The following RNF24 variants were observed in gnomAD, a reference collection of about 807,000 sequenced individuals.
The protein encoded by RNF24 is ring finger protein 24.
RNF24 carries 14 observed loss-of-function variants against 20.0 expected under a neutral mutation model. That is an observed-to-expected ratio of 0.70 (90% CI 0.46 to 1.10). The LOEUF (loss-of-function observed/expected upper bound fraction) is 1.10. RNF24 is among the 50% of genes least tolerant of loss of function. RNF24 has a pLI of 0.00. For missense variants in RNF24, 124 were observed against 177.6 expected (o/e 0.70, Z 1.71); for synonymous variants, 45 against 61.1 (o/e 0.74, Z 1.23).
intron 1 of RNF24, among the ~76,000 whole-genome samples, chr20:4,002,167 C>T (rs1259049582): frequency 3.9e-5 from 6 of 151,912 alleles, no homozygotes; most frequent in African/African-American, 1.2e-4. Flanking sequence ...GGGTGGATCA[C>T]GAGGTCAGGA....
intron 1 of RNF24, among the ~76,000 whole-genome samples, chr20:3,992,483 A>C (rs776283834): frequency 5.3e-5 from 8 of 152,056 alleles, no homozygotes; most frequent in Non-Finnish European, 1.0e-4. Flanking sequence ...AAGAAATATA[A>C]AATTTCATCA....
At chr20:3,980,080 G>A (rs968297777) in intron 1 of RNF24, among the ~76,000 whole-genome samples, 1 of 152,112 alleles carries the variant, frequency 6.6e-6, no homozygotes, top group Admixed American at 6.5e-5. Flanking sequence ...CTTATGCAGA[G>A]ATTTAAAAAC....
At chr20:3,992,941 T>C (rs1324996129) in intron 1 of RNF24, among the ~76,000 whole-genome samples, 4 of 152,224 alleles carry the variant, frequency 2.6e-5, no homozygotes, top group Non-Finnish European at 4.4e-5. Flanking sequence ...AATAAAAATG[T>C]TATAAGCACA....
chr20:4,003,099 A>C (rs1452582857), intron 1 of RNF24, among the ~76,000 whole-genome samples: 3 of 152,112 alleles, frequency 2.0e-5, no homozygotes, highest in South Asian at 4.1e-4. Context: ...CCTTCTGAGT[A>C]GCTGGGATTA....
At chr20:3,948,454 A>T (rs184903337) in intron 2 of RNF24, among the ~76,000 whole-genome samples, 175 bp from the exon 3 acceptor site, 1 of 152,282 alleles carries the variant, frequency 6.6e-6, no homozygotes, top group Admixed American at 6.5e-5. Flanking sequence ...ATGCTATGTG[A>T]AAGTGCCCAG....
At chr20:3,941,336 A>G (rs1245612109) in intron 4 of RNF24, among the ~76,000 whole-genome samples, 3 of 152,190 alleles carry the variant, frequency 2.0e-5, no homozygotes, top group African/African-American at 7.2e-5. Flanking sequence ...TTTTCAATGT[A>G]TATAGACGTA....
intron 1 of RNF24, among the ~76,000 whole-genome samples, chr20:3,992,346 A>G (rs1205650410): frequency 2.0e-5 from 3 of 152,222 alleles, no homozygotes; most frequent in Non-Finnish European, 4.4e-5. Context: ...AATAATTACA[A>G]TCTGGTTGAA....
chr20:3,955,009 C>A (rs1188018645), intron 2 of RNF24, among the ~76,000 whole-genome samples: 2 of 152,034 alleles, frequency 1.3e-5, no homozygotes, highest in Non-Finnish European at 2.9e-5. Context: ...TTCTCCACAT[C>A]CTCATTAACA....
intron 1 of RNF24, among the ~76,000 whole-genome samples, chr20:3,988,940 T>C (rs1980168248): frequency 6.6e-6 from 1 of 152,064 alleles, no homozygotes; most frequent in African/African-American, 2.4e-5. Context: ...TACTTACTAA[T>C]AAATACATGC....
intron 1 of RNF24, among the ~76,000 whole-genome samples, chr20:3,992,274 A>T (rs2147049418): frequency 6.6e-6 from 1 of 152,206 alleles, no homozygotes; most frequent in South Asian, 2.1e-4. Context: ...TTTGGAGAAA[A>T]CTCTGATTGA....
Position 3,929,961 on chromosome 20 carries a change from C to G in RNF24, c.*4102G>C, listed in dbSNP as rs1164335511. ...TATTCTGATTTCTGGGATGGCTCTT[C>G]CCACATTAGTAGGAGCGTTCCTTGA... On this transcript the variant is annotated 3_prime_UTR_variant, in exon 6 of 6. Transcript: ENST00000358395. 6.8e-6 allele frequency: 1 copy of G among 147,260 alleles called. No individual in the cohort carries two copies. The highest frequency in any genetic ancestry group is 2.7e-5 in the African/African-American group (1 of 36,710). 9.1% of individuals were successfully genotyped at this position (147,260 alleles called of 1,614,324 possible).
rs545856552 is a variant in RNF24 at position 3,930,394 on chromosome 20, T to C, written c.*3669A>G. On this transcript the variant is annotated 3_prime_UTR_variant, in exon 6 of 6. Transcript: ENST00000358395. ...AATCATGATGGCAGAGGAGCCCATG[T>C]AACCCAGATGATGTTATGTGGTATC... 1 of 152,330 alleles carries C rather than the reference T, an allele frequency of 6.6e-6. No homozygotes were observed. The highest frequency in any genetic ancestry group is 2.4e-5 in the African/African-American group (1 of 41,578). The allele number at this position is 152,330 out of a possible 1,614,324, so 9.4% of individuals were successfully genotyped here.
intron 1 of RNF24, among the ~76,000 whole-genome samples, chr20:3,988,719 A>G (rs1029014752): frequency 1.3e-5 from 2 of 152,216 alleles, no homozygotes; most frequent in African/African-American, 4.8e-5. Context: ...TTGACCTCAG[A>G]AAGTGCTGGG....
At chr20:3,977,841 G>A (rs962364565) in intron 1 of RNF24, among the ~76,000 whole-genome samples, 1 of 147,328 alleles carries the variant, frequency 6.8e-6, no homozygotes, top group African/African-American at 2.5e-5. Context: ...TCCAGCCTGG[G>A]CGACACAGCG....
rs1440100125 is a variant in RNF24 at position 3,947,784 on chromosome 20, C to T, written c.186+453G>A. On this transcript the variant is annotated intron_variant, in intron 3 of 5. Coordinates refer to ENST00000358395, the MANE Select transcript of RNF24 (RefSeq NM_001134337.3). ...GAGAAAAGCTGGGCACAGTGGCTCA[C>T]GCCTGTAATCCCAGCACTTTGGGAG... 2.0e-5 allele frequency among the ~76,000 whole-genome samples: 3 copies of T among 152,280 alleles called. No homozygotes were observed. The South Asian group carries it at 6.2e-4, about 32-fold the overall frequency.
chr20:3,936,420 G>C (rs1568613067), intron 4 of RNF24, among the ~76,000 whole-genome samples: 1 of 152,176 alleles, frequency 6.6e-6, no homozygotes, highest in African/African-American at 2.4e-5. Flanking sequence ...GCTCAGCTTG[G>C]GGGGTAGGGT....
At chr20:3,998,559 A>G (rs1288677986) in intron 1 of RNF24, among the ~76,000 whole-genome samples, 2 of 132,914 alleles carry the variant, frequency 1.5e-5, no homozygotes, top group Admixed American at 8.2e-5. Context: ...TGGGCAACAG[A>G]GCGAGACTCT....
intron 4 of RNF24, 118 bp downstream of exon 4, chr20:3,945,058 AC>A: frequency 1.6e-6 from 2 of 1,280,292 alleles, no homozygotes; most frequent in Non-Finnish European, 2.2e-6. Context: ...ATATTCTATT[AC>A]CCCAATCAAA....
chr20:3,949,992 A>T (rs1335744497), intron 2 of RNF24, among the ~76,000 whole-genome samples: 1 of 136,946 alleles, frequency 7.3e-6, no homozygotes, highest in African/African-American at 2.9e-5. Context: ...TTTTATCCTC[A>T]TATAGACTTT....
Sources: allele counts gnomAD v4.1 joint callset (sites outside exome capture counted in the v4.1 genomes callset), GRCh38; gene constraint gnomAD v4.1.1; transcripts MANE v1.5; gene names NCBI Gene and HGNC (gene_info 2026-07-23, HGNC 2026-07-21).